Variants in HPR observed in about 807,000 individuals in gnomAD.
HPR encodes Haptoglobin-related locus.
Under a neutral mutation model 18.5 loss-of-function variants are expected in HPR, and 17 were observed. The observed-to-expected ratio is 0.92, with a 90% CI of 0.63 to 1.38. The LOEUF (loss-of-function observed/expected upper bound fraction) is 1.38. HPR is among the 40% of genes most tolerant of loss of function. HPR has a pLI of 0.00. For synonymous variants in HPR, 176 were observed against 165.0 expected (o/e 1.07, Z -0.51); for missense variants, 457 against 432.4 (o/e 1.06, Z -0.51).
rs781104362 is a variant in HPR, at chr16:72,076,757, C to A, written c.723C>A (p.Val241=). The A allele has an allele frequency of 4.3e-6, 7 of 1,614,222 alleles. No individual in the cohort carries two copies. The highest frequency in any genetic ancestry group is 1.6e-4 in the Middle Eastern group (1 of 6,062). The change falls in exon 5 of 5, where the codon GTC becomes GTA. Residue 241 remains valine, a synonymous_variant. Coordinates refer to ENST00000540303, the MANE Select transcript of HPR (RefSeq NM_020995.4). Reference sequence around the variant, plus strand: ...AACTTACTGACCATCTGAAGTATGTCATGCTGCCTGTGGCTGACCAATACG... The same window carrying A: ...AACTTACTGACCATCTGAAGTATGTAATGCTGCCTGTGGCTGACCAATACG... ...NFKLTDHLKY[V]MLPVADQYDC...
intron 1 of HPR, among the ~76,000 whole-genome samples, chr16:72,065,875 C>A (rs1294137477): frequency 6.6e-6 from 1 of 152,116 alleles, no homozygotes; most frequent in South Asian, 2.1e-4. Context: ...CCTAGACTGT[C>A]TTCCTTTGCT....
chr16:72,073,716 C>T, intron 1 of HPR, 176 bp from the exon 2 acceptor site: 1 of 1,517,256 alleles, frequency 6.6e-7, no homozygotes, highest in South Asian at 1.2e-5. Flanking sequence ...ACTTCTTGGT[C>T]CTAGCACTTC....
In HPR at chr16:72,076,358, C is replaced by G. The variant is rs201615147; in HGVS notation, c.324C>G (p.His108Gln). 535 of 1,613,996 alleles carry G rather than the reference C, an allele frequency of 3.3e-4. 8 individuals carry two copies. The East Asian group carries it at 0.011, about 35-fold the overall frequency. The stretch of plus-strand genomic sequence containing the variant: ...CAGTGCAGCGGATCCTGGGTGGACA[C>G]CTGGATGCCAAAGGCAGCTTTCCCT... ...ANPVQRILGG[H>Q]LDAKGSFPWQ... The change falls in exon 5 of 5, where the codon CAC (histidine) becomes CAG (glutamine). Residue 108 changes from histidine to glutamine, a missense_variant. His to Gln is a conservative substitution (Grantham distance 24, BLOSUM62 0). Transcript: ENST00000540303.
chr16:72,072,933 T>A (rs1031502515), intron 1 of HPR, among the ~76,000 whole-genome samples: 20 of 152,202 alleles, frequency 1.3e-4, no homozygotes, highest in Admixed American at 1.2e-3. Flanking sequence ...TGCTCCCTGC[T>A]TTCAAGGCCA....
chr16:72,073,823 T>A, intron 1 of HPR, 69 bp from the exon 2 acceptor site: 2 of 1,610,522 alleles, frequency 1.2e-6, no homozygotes, highest in Non-Finnish European at 1.7e-6. Context: ...TGCCTGTGTG[T>A]GTGGATGCAT....
chr16:72,076,245 C>T, intron 4 of HPR, 58 bp from the exon 5 acceptor site: 3 of 1,597,080 alleles, frequency 1.9e-6, no homozygotes, highest in Non-Finnish European at 2.6e-6. Flanking sequence ...TCACCCCTTT[C>T]TCAGATGGAA....
chr16:72,073,802 G>C (rs1264705559), intron 1 of HPR, 90 bp from the exon 2 acceptor site: 5 of 1,604,598 alleles, frequency 3.1e-6, no homozygotes, highest in Non-Finnish European at 2.5e-6. Flanking sequence ...GCGTGTGTGT[G>C]TGTGTGTACA....
Position 72,077,202 on chromosome 16 carries a change from C to G in HPR, c.*121C>G, listed in dbSNP as rs865883935. ...GTGGTTTGAAGCTGATGGGTGCCAG[C>G]CCTGCATTGCTGAGTCAATCAATAA... On this transcript the variant is annotated 3_prime_UTR_variant, in exon 5 of 5. Coordinates refer to ENST00000540303, the MANE Select transcript of HPR (RefSeq NM_020995.4). The G allele has an allele frequency of 1.9e-4, 182 of 942,256 alleles. 2 individuals are homozygous for G. The South Asian group carries it at 2.5e-3, about 13-fold the overall frequency. 58.4% of individuals were successfully genotyped at this position (942,256 alleles called of 1,614,324 possible).
At chr16:72,072,640 T>A (rs1421666232) in intron 1 of HPR, among the ~76,000 whole-genome samples, 1 of 152,108 alleles carries the variant, frequency 6.6e-6, no homozygotes, top group East Asian at 1.9e-4. Flanking sequence ...TCTCTTGCCA[T>A]CAGAATAGGG....
chr16:72,076,106 C>A (rs367790856), intron 4 of HPR, among the ~76,000 whole-genome samples, 197 bp from the exon 5 acceptor site: 2 of 152,172 alleles, frequency 1.3e-5, no homozygotes, highest in Non-Finnish European at 1.5e-5. Context: ...AGAAATAGAG[C>A]TTTTTGTAAT....
chr16:72,073,766 G>A (rs756577954), intron 1 of HPR, 126 bp from the exon 2 acceptor site: 7 of 1,580,356 alleles, frequency 4.4e-6, no homozygotes, highest in Non-Finnish European at 6.0e-6. Flanking sequence ...AGTGGGAGGA[G>A]TGTGTGTGTA....
At position 72,063,991 on chromosome 16, in the gene HPR, C is replaced by T. The variant is rs1169729044; in HGVS notation, c.5+731C>T. Among the ~76,000 whole-genome samples the T allele has an allele frequency of 2.0e-5, 3 of 152,150 alleles. No individual in the cohort carries two copies. The South Asian group carries it at 6.2e-4, about 31-fold the overall frequency. On this transcript the variant is annotated intron_variant, in intron 1 of 4. Coordinates refer to ENST00000540303, the MANE Select transcript of HPR (RefSeq NM_020995.4). ...TCTTGACCTCGTGATCCACCTGTCT[C>T]GGCCTCCCAAAGTGTTGGGATTACA...
intron 1 of HPR, among the ~76,000 whole-genome samples, chr16:72,073,175 C>A (rs2854298): frequency 8.5e-5 from 13 of 152,160 alleles, no homozygotes; most frequent in Non-Finnish European, 1.9e-4. Context: ...CCAACTCTAG[C>A]CAATGGAGTC....
At position 72,076,525 on chromosome 16, in the gene HPR, C is replaced by T. The variant is rs775205863; in HGVS notation, c.491C>T (p.Thr164Ile). 2.5e-6 allele frequency: 4 copies of T among 1,614,142 alleles called. No individual in the cohort carries two copies. Among genetic ancestry groups the T allele is most frequent in the Non-Finnish European group, 3.4e-6 (4 of 1,180,016 alleles). ...GCGAAAGACATTGCCCCTACTTTAA[C>T]ACTCTATGTGGGGAAAAAGCAGCTT... ...ATAKDIAPTL[T>I]LYVGKKQLVE... Residue 164 changes from threonine (T) to isoleucine (I), a missense_variant, in exon 5 of 5, where the codon ACA becomes ATA. Physicochemically the swap from Thr to Ile is moderately conservative, Grantham distance 89. Coordinates refer to ENST00000540303, the MANE Select transcript of HPR (RefSeq NM_020995.4).
intron 1 of HPR, among the ~76,000 whole-genome samples, chr16:72,067,975 C>T (rs1183031189): frequency 6.6e-6 from 1 of 152,178 alleles, no homozygotes; most frequent in Admixed American, 6.5e-5. Flanking sequence ...AGCCGAGACA[C>T]ATTTGCCTTT....
At chr16:72,064,947 A>G (rs2041582192) in intron 1 of HPR, among the ~76,000 whole-genome samples, 1 of 152,148 alleles carries the variant, frequency 6.6e-6, no homozygotes, top group Non-Finnish European at 1.5e-5. Context: ...TGGGGAGAAA[A>G]AGACTTGCAA....
At position 72,076,309 on chromosome 16, in the gene HPR, G is replaced by A. The variant is rs1420284082; in HGVS notation, c.275G>A (p.Gly92Glu). ...GTCTTGCTCTCCTTGACAGTATGTG[G>A]GAAGCCCAAGAATCCGGCAAACCCA... ...DKLPECEAVCGKPKNPANPVQ... is the reference protein window; with the variant it reads ...DKLPECEAVCEKPKNPANPVQ... Residue 92 changes from glycine to glutamate, a missense_variant, in exon 5 of 5, where the codon GGG becomes GAG. Transcript: ENST00000540303. 6.2e-7 allele frequency: 1 copy of A among 1,613,158 alleles called. No homozygotes were observed. Among genetic ancestry groups the A allele is most frequent in the Admixed American group, 1.7e-5 (1 of 59,916 alleles).
At position 72,076,977 on chromosome 16, in the gene HPR, G is replaced by A. The variant is rs2041739574; in HGVS notation, c.943G>A (p.Gly315Arg). Reference protein sequence around the residue: ...DLEEDTWYAAGILSFDKSCAV... With the variant: ...DLEEDTWYAARILSFDKSCAV... ...GGAGGAGGACACCTGGTACGCGGCT[G>A]GGATCCTAAGCTTTGATAAGAGCTG... Residue 315 changes from glycine (G) to arginine (R), a missense_variant, in exon 5 of 5, where the codon GGG (glycine) becomes AGG (arginine). Physicochemically the swap from Gly to Arg is moderately radical, Grantham distance 125. Coordinates refer to ENST00000540303, the MANE Select transcript of HPR (RefSeq NM_020995.4). 1 of 1,614,200 alleles carries A rather than the reference G, an allele frequency of 6.2e-7. No individual in the cohort carries two copies. Among genetic ancestry groups the A allele is most frequent in the East Asian group, 2.2e-5 (1 of 44,882 alleles).
intron 1 of HPR, among the ~76,000 whole-genome samples, chr16:72,067,256 C>T (rs1264581790): frequency 6.6e-6 from 1 of 152,180 alleles, no homozygotes; most frequent in Non-Finnish European, 1.5e-5. Context: ...GAGCTTATCA[C>T]ATTTTTGGTT....
Sources: gnomAD v4.1 joint callset for allele counts (sites outside exome capture counted in the v4.1 genomes callset) on GRCh38, gnomAD v4.1.1 for gene constraint, MANE v1.5 for transcripts, NCBI Gene and HGNC (gene_info 2026-07-23, HGNC 2026-07-21) for gene names.